Variants in PSME3IP1 observed in about 807,000 individuals in gnomAD.
PSME3IP1 encodes PSME3-interacting protein.
Under a neutral mutation model 34.1 loss-of-function variants are expected in PSME3IP1, and 13 were observed. The observed-to-expected ratio is 0.38, with a 90% CI of 0.25 to 0.61. The LOEUF (loss-of-function observed/expected upper bound fraction) is 0.61. PSME3IP1 is among the 20% of genes least tolerant of loss of function. The pLI, the probability that PSME3IP1 is intolerant of heterozygous loss-of-function variation, is 0.60. For missense variants in PSME3IP1, 237 were observed against 301.4 expected, an observed-to-expected ratio of 0.79 and a Z score of 1.58; for synonymous variants, 93 against 114.3, an observed-to-expected ratio of 0.81 and a Z score of 1.19.
Position 57,154,365 on chromosome 16 carries a change from G to A in PSME3IP1, c.690C>T (p.Ser230=), listed in dbSNP as rs751997989. The change falls in exon 7 of 7, where the codon AGC becomes AGT. Residue 230 remains serine (S), a synonymous_variant. Transcript: ENST00000309137. The surrounding 1 kb of genome is among the most constrained non-coding windows in gnomAD (Gnocchi z 4.0). ...TTCCGGTGGCATTGATGGTGCCTTC[G>A]CTGTCTGAGCTGGACTCGGAGTCGC... The part of the protein sequence containing the change: ...GSSDSESSSD[S]EGTINATGKI... 25 of 1,614,018 alleles carry A rather than the reference G, an allele frequency of 1.5e-5. No individual in the cohort carries two copies. Among genetic ancestry groups the A allele is most frequent in the African/African-American group, 1.1e-4 (8 of 74,984 alleles).
intron 4 of PSME3IP1, among the ~76,000 whole-genome samples, chr16:57,170,516 T>C (rs374700501): frequency 6.6e-6 from 1 of 152,240 alleles, no homozygotes; most frequent in African/African-American, 2.4e-5. Flanking sequence ...TTACTCAACA[T>C]ATAAGCTTGA....
chr16:57,174,694 T>C, intron 1 of PSME3IP1: 1 of 985,474 alleles, frequency 1.0e-6, no homozygotes, highest in East Asian at 1.1e-4. Context: ...CCAGTCTGTA[T>C]AGCAGGGAAG....
intron 6 of PSME3IP1, among the ~76,000 whole-genome samples, chr16:57,156,678 T>C (rs1316443152): frequency 6.6e-6 from 1 of 152,132 alleles, no homozygotes; most frequent in Non-Finnish European, 1.5e-5. Flanking sequence ...GCAAATTTCC[T>C]TAAGATACTA....
At chr16:57,173,587 C>G in intron 2 of PSME3IP1, 141 bp downstream of exon 2, 1 of 943,914 alleles carries the variant, frequency 1.1e-6, no homozygotes, top group Non-Finnish European at 1.5e-6. Flanking sequence ...CAAGATCGCG[C>G]CACTGCACTC....
rs1266110492 is a variant in PSME3IP1 at position 57,173,712 on chromosome 16, G to C, written c.127+16C>G. ...TGTGTGGATTAAAGACCATTATACT[G>C]ACTGTCACAGTATACCTTCTGGATC... On this transcript the variant is annotated intron_variant, in intron 2 of 6. Transcript: ENST00000309137. The C allele has an allele frequency of 3.1e-6, 5 of 1,613,032 alleles. No homozygotes were observed. Among genetic ancestry groups the C allele is most frequent in the Non-Finnish European group, 4.2e-6 (5 of 1,179,846 alleles).
At chr16:57,169,081 T>C (rs1779392782) in intron 4 of PSME3IP1, among the ~76,000 whole-genome samples, 1 of 152,086 alleles carries the variant, frequency 6.6e-6, no homozygotes, top group Non-Finnish European at 1.5e-5. Context: ...CTTTTAGGGG[T>C]AGGGGGTGTT....
chr16:57,161,055 A>G (rs2071167047), intron 6 of PSME3IP1, among the ~76,000 whole-genome samples: 1 of 152,236 alleles, frequency 6.6e-6, no homozygotes, highest in Non-Finnish European at 1.5e-5. Context: ...ATTAAAAGGT[A>G]TATTAGCCTA....
intron 1 of PSME3IP1, among the ~76,000 whole-genome samples, chr16:57,184,468 C>G (rs1298156021): frequency 6.6e-6 from 1 of 152,008 alleles, no homozygotes; most frequent in Non-Finnish European, 1.5e-5. Flanking sequence ...TGATTTTAGA[C>G]AAAACAATCT....
chr16:57,169,334 A>C (rs1188676683), intron 4 of PSME3IP1, among the ~76,000 whole-genome samples: 3 of 152,240 alleles, frequency 2.0e-5, no homozygotes, highest in South Asian at 4.1e-4. Flanking sequence ...TGTATTCAGA[A>C]GTATCCTATT....
intron 4 of PSME3IP1, among the ~76,000 whole-genome samples, chr16:57,169,666 T>G (rs1387588834): frequency 5.9e-5 from 9 of 152,216 alleles, no homozygotes; most frequent in Non-Finnish European, 7.3e-5. Context: ...AAAGGGCATC[T>G]CACACTCAAC....
intron 1 of PSME3IP1, among the ~76,000 whole-genome samples, chr16:57,175,948 T>C (rs1369896344): frequency 1.3e-5 from 2 of 152,222 alleles, no homozygotes; most frequent in Non-Finnish European, 2.9e-5. Flanking sequence ...TTTAGTTTAA[T>C]GTAACAATAA....
chr16:57,169,447 C>T (rs1267169957), intron 4 of PSME3IP1, among the ~76,000 whole-genome samples: 2 of 152,224 alleles, frequency 1.3e-5, no homozygotes, highest in African/African-American at 2.4e-5. Context: ...CTCAACATGT[C>T]TCTGGCTACT....
intron 6 of PSME3IP1, among the ~76,000 whole-genome samples, chr16:57,160,665 C>T (rs1182777474): frequency 6.6e-6 from 1 of 152,140 alleles, no homozygotes; most frequent in Non-Finnish European, 1.5e-5. Flanking sequence ...AAATGATATA[C>T]CCATGCAATA....
intron 6 of PSME3IP1, among the ~76,000 whole-genome samples, chr16:57,155,097 C>T (rs1030646789): frequency 7.9e-5 from 12 of 152,212 alleles, no homozygotes; most frequent in Non-Finnish European, 1.3e-4. Flanking sequence ...ACCAGAATAA[C>T]GTTCTTTATT....
chr16:57,178,468 G>A, intron 1 of PSME3IP1: 1 of 775,576 alleles, frequency 1.3e-6, no homozygotes, highest in East Asian at 1.3e-4. Flanking sequence ...TATTAGCACA[G>A]TGTCTGGCAT....
At chr16:57,164,192 G>C (rs959686429) in intron 5 of PSME3IP1, 127 bp from the exon 6 acceptor site, 16 of 719,534 alleles carry the variant, frequency 2.2e-5, no homozygotes, top group Admixed American at 9.6e-5. Context: ...TGATAAAAAT[G>C]AATGAAAAGT....
chr16:57,154,523 A>C lies in PSME3IP1; in HGVS notation c.548-16T>G. The C allele has an allele frequency of 6.3e-7, 1 of 1,580,328 alleles. No individual in the cohort carries two copies. Among genetic ancestry groups the C allele is most frequent in the Non-Finnish European group, 8.6e-7 (1 of 1,161,278 alleles). On this transcript the variant is annotated splice_polypyrimidine_tract_variant and intron_variant, in intron 6 of 6. Coordinates refer to ENST00000309137, the MANE Select transcript of PSME3IP1 (RefSeq NM_024946.4). This position sits in a 1 kb window ranked among gnomAD's most constrained non-coding sequence, Gnocchi z 4.0. ...GATGAGGGCTCTGCAATAAAAGGGG[A>C]AAGACTGTCACTTCATCACCCTTTT...
At chr16:57,184,750 GT>G (rs2074016245) in intron 1 of PSME3IP1, among the ~76,000 whole-genome samples, 1 of 152,204 alleles carries the variant, frequency 6.6e-6, no homozygotes, top group African/African-American at 2.4e-5. Flanking sequence ...CAACTAAATG[GT>G]TTTGACACAA....
rs564233783 is a variant in PSME3IP1, at chr16:57,172,008, T to C, written c.348+243A>G. Among the ~76,000 whole-genome samples, 5 of 152,362 alleles carry C rather than the reference T, an allele frequency of 3.3e-5. No individual in the cohort carries two copies. The East Asian group carries it at 5.8e-4, about 18-fold the overall frequency. On this transcript the variant is annotated intron_variant, in intron 4 of 6. Coordinates refer to ENST00000309137, the MANE Select transcript of PSME3IP1 (RefSeq NM_024946.4). ...TGTCAGAATCTAATCCCAGTACTAGTAGGATTGATGCCTTGAGTTAACCCT... is the reference window on the plus strand; with the variant it reads ...TGTCAGAATCTAATCCCAGTACTAGCAGGATTGATGCCTTGAGTTAACCCT...
Sources: allele counts gnomAD v4.1 joint callset (sites outside exome capture counted in the v4.1 genomes callset), GRCh38; gene constraint gnomAD v4.1.1; non-coding constraint Gnocchi (gnomAD v3.1); transcripts MANE v1.5; gene names NCBI Gene and HGNC (gene_info 2026-07-23, HGNC 2026-07-21).